The following CELF2 variants were observed in gnomAD, a reference collection of about 807,000 sequenced individuals.
CELF2 encodes CUGBP Elav-like family member 2, also known as CUG triplet repeat RNA-binding protein 2.
In CELF2, 8 loss-of-function variants were observed where a neutral mutation model predicts 62.6. The ratio of observed to expected loss-of-function variants is 0.13; its 90% CI spans 0.07 to 0.23. The LOEUF (loss-of-function observed/expected upper bound fraction) is 0.23. CELF2 is among the 10% of genes least tolerant of loss of function. CELF2 has a pLI of 1.00. For synonymous variants in CELF2, 258 were observed against 250.0 expected (o/e 1.03, Z -0.30); for missense variants, 333 against 671.0 (o/e 0.50, Z 5.56).
chr10:10,731,157 G>A, the CELF2 span, among the ~76,000 whole-genome samples: 1 of 151,964 alleles, frequency 6.6e-6, no homozygotes, highest in East Asian at 1.9e-4. Context: ...AAATATTGCA[G>A]TAGTCCACAT....
At position 11,068,227 on chromosome 10, in the gene CELF2, A is replaced by G. The variant is rs1225157616; in HGVS notation, c.74+50064A>G. Among the ~76,000 whole-genome samples the G allele has an allele frequency of 3.3e-5, 5 of 152,220 alleles. No individual in the cohort carries two copies. The East Asian group carries it at 7.7e-4, about 23-fold the overall frequency. ...TTGAGAGAGCAGACATTGACCAAATACTCATACTAATCAGACCAATAAATG... is the reference window on the plus strand; with the variant it reads ...TTGAGAGAGCAGACATTGACCAAATGCTCATACTAATCAGACCAATAAATG... On this transcript the variant is annotated intron_variant, in intron 1 of 12. Transcript: ENST00000633077.
chr10:11,279,501 GCAGAACTTGGTTCCTCCC>G (rs1415756587), intron 8 of CELF2, among the ~76,000 whole-genome samples: 2 of 152,230 alleles, frequency 1.3e-5, no homozygotes, highest in East Asian at 3.9e-4. Flanking sequence ...AAAGACTCAC[GCAGAACTTGGTTCCTCCC>G]CAAGCTGAGT....
At chr10:10,639,750 T>C in the CELF2 span, among the ~76,000 whole-genome samples, 1 of 152,166 alleles carries the variant, frequency 6.6e-6, no homozygotes, top group Admixed American at 6.5e-5. Flanking sequence ...TCTGTTTTAT[T>C]TTGGCAATTA....
At chr10:10,750,860 G>T in the CELF2 span, among the ~76,000 whole-genome samples, 1 of 152,168 alleles carries the variant, frequency 6.6e-6, no homozygotes, top group Non-Finnish European at 1.5e-5. Context: ...GCTGAAATTT[G>T]GTTGCCATGG....
chr10:11,210,717 C>A (rs59333097), intron 2 of CELF2, among the ~76,000 whole-genome samples: 3,931 of 152,260 alleles, frequency 0.026, 168 homozygotes, highest in African/African-American at 0.09. Flanking sequence ...CTGAAACCAG[C>A]CTTGCTACGC....
chr10:11,193,841 T>C (rs2056684060), intron 2 of CELF2, among the ~76,000 whole-genome samples: 1 of 152,156 alleles, frequency 6.6e-6, no homozygotes, highest in South Asian at 2.1e-4. Flanking sequence ...ACGCTTCATG[T>C]TTATAGATTT....
At chr10:11,176,661 T>C (rs1221640319) in intron 2 of CELF2, among the ~76,000 whole-genome samples, 1 of 152,194 alleles carries the variant, frequency 6.6e-6, no homozygotes, top group African/African-American at 2.4e-5. Context: ...TGCTAGGTAG[T>C]GTAGACTAGA....
intron 3 of CELF2, among the ~76,000 whole-genome samples, chr10:11,238,424 C>T (rs573814497): frequency 6.2e-4 from 94 of 152,290 alleles, no homozygotes; most frequent in Non-Finnish European, 1.1e-3. Flanking sequence ...GCTATTAAAA[C>T]ATAGATCTAA....
rs1250382576 is a variant in CELF2, at chr10:11,156,727, A to G, written c.75-8759A>G. Among the ~76,000 whole-genome samples the G allele has an allele frequency of 6.6e-6, 1 of 152,232 alleles. No individual in the cohort carries two copies. The highest frequency in any genetic ancestry group is 1.9e-4 in the East Asian group (1 of 5,176). The stretch of plus-strand genomic sequence containing the variant: ...CATGCACTTGATGGGGCTTCCGTGA[A>G]TCGCTGTTTCTGAGGTTCCGCGGTC... On this transcript the variant is annotated intron_variant, in intron 1 of 12. Coordinates refer to ENST00000633077, the MANE Select transcript of CELF2 (RefSeq NM_001326342.2). The surrounding 1 kb of genome is among the most constrained non-coding windows in gnomAD (Gnocchi z 4.3).
At chr10:10,629,731 G>A in the CELF2 span, among the ~76,000 whole-genome samples, 1 of 152,160 alleles carries the variant, frequency 6.6e-6, no homozygotes, top group Admixed American at 6.5e-5. Flanking sequence ...GGATGTTGGA[G>A]TGCCCAGTGT....
In CELF2 at chr10:11,165,090, G is replaced by T; in HGVS notation, c.75-396G>T. The stretch of plus-strand genomic sequence containing the variant: ...GGGAGAGAAATCCAGCAGACATCTA[G>T]CTCTGCCTTTCTTTCCCAGCCACAG... On this transcript the variant is annotated intron_variant, in intron 1 of 12. Transcript: ENST00000633077. The surrounding 1 kb of genome is among the most constrained non-coding windows in gnomAD (Gnocchi z 7.4). 2 of 998,612 alleles carry T rather than the reference G, an allele frequency of 2.0e-6. No homozygotes were observed. Among genetic ancestry groups the T allele is most frequent in the South Asian group, 8.8e-5 (2 of 22,846 alleles). The allele number at this position is 998,612 out of a possible 1,614,324, so 61.9% of individuals were successfully genotyped here. A position where few individuals can be genotyped will look rare whatever the true frequency, so the allele number is the denominator to read the frequency against.
At chr10:10,566,344 G>A in the CELF2 span, among the ~76,000 whole-genome samples, 1 of 151,088 alleles carries the variant, frequency 6.6e-6, no homozygotes, top group Non-Finnish European at 1.5e-5. Context: ...CAGTGATTGT[G>A]CTGCTCTAGG....
intron 1 of CELF2, among the ~76,000 whole-genome samples, chr10:11,093,971 A>T (rs2049051937): frequency 6.6e-6 from 1 of 152,226 alleles, no homozygotes; most frequent in South Asian, 2.1e-4. Context: ...AATTGGTTAC[A>T]GTTCATTTCT....
In CELF2 at chr10:11,242,357, C is replaced by T. The variant is rs537875306; in HGVS notation, c.355-6796C>T. 1.8e-4 allele frequency among the ~76,000 whole-genome samples: 27 copies of T among 152,248 alleles called. No homozygotes were observed. The highest frequency in any genetic ancestry group is 4.6e-4 in the African/African-American group (19 of 41,532). ...TGAGGAGCCAGCTGTGCCCCCTGCC[C>T]GCAGCTGCTTCCTTCCCCCAGGACT... On this transcript the variant is annotated intron_variant, in intron 3 of 12. Coordinates refer to ENST00000633077, the MANE Select transcript of CELF2 (RefSeq NM_001326342.2). This position sits in a 1 kb window ranked among gnomAD's most constrained non-coding sequence, Gnocchi z 4.8.
intron 1 of CELF2, among the ~76,000 whole-genome samples, chr10:11,063,678 T>G (rs1204598787): frequency 6.6e-6 from 1 of 152,232 alleles, no homozygotes; most frequent in Non-Finnish European, 1.5e-5. Flanking sequence ...TAAACCCTTT[T>G]TTTGCTTGTA....
In CELF2 at chr10:10,931,095, C is replaced by G. The variant is rs899726936; in HGVS notation, c.89+11096C>G. Among the ~76,000 whole-genome samples, 5 of 152,152 alleles carry G rather than the reference C, an allele frequency of 3.3e-5. No homozygotes were observed. Among genetic ancestry groups the G allele is most frequent in the Admixed American group, 2.6e-4 (4 of 15,274 alleles). ...CCATGTATACATAGATAGTTTTAAACCCTGTAAACCTTTCTTTTCGGATTA... is the reference window on the plus strand; with the variant it reads ...CCATGTATACATAGATAGTTTTAAAGCCTGTAAACCTTTCTTTTCGGATTA... On this transcript the variant is annotated intron_variant, in intron 2 of 13. Coordinates refer to the CELF2 transcript ENST00000636488. This position sits in a 1 kb window ranked among gnomAD's most constrained non-coding sequence, Gnocchi z 6.1.
At chr10:10,567,775 G>A in the CELF2 span, among the ~76,000 whole-genome samples, 1 of 152,154 alleles carries the variant, frequency 6.6e-6, no homozygotes, top group South Asian at 2.1e-4. Context: ...CTTGAGCGGA[G>A]ATACTTCCAA....
intron 1 of CELF2, among the ~76,000 whole-genome samples, chr10:11,121,281 G>A (rs17149569): frequency 0.07 from 10,606 of 152,228 alleles, 447 homozygotes; most frequent in African/African-American, 0.1. Context: ...GCCAGTCTCT[G>A]TGGGCTTGTG....
rs936390311 is a variant in CELF2 at position 11,287,354 on chromosome 10, C to G, written c.842-1064C>G. On this transcript the variant is annotated intron_variant, in intron 8 of 12. Transcript: ENST00000633077. ...AAACATAATTTGACCATTCAGAGAA[C>G]CTTTGGACTGAGAGATGGAAGCGGG... is the stretch of plus-strand genomic sequence containing the variant. Among the ~76,000 whole-genome samples, 6 of 152,168 alleles carry G rather than the reference C, an allele frequency of 3.9e-5. No individual in the cohort carries two copies. The South Asian group carries it at 8.3e-4, about 21-fold the overall frequency.
Sources: gnomAD v4.1 joint callset for allele counts (sites outside exome capture counted in the v4.1 genomes callset) on GRCh38, gnomAD v4.1.1 for gene constraint, Gnocchi (gnomAD v3.1) non-coding constraint, MANE v1.5 for transcripts, NCBI Gene and HGNC (gene_info 2026-07-23, HGNC 2026-07-21) for gene names.